SLC30A3: variants seen among roughly 807,000 people sequenced by gnomAD.
SLC30A3 encodes solute carrier family 30 member 3.
A neutral mutation model predicts 35.6 loss-of-function variants in SLC30A3; 20 were observed. The ratio of observed to expected loss-of-function variants is 0.56; its 90% CI spans 0.39 to 0.82. The LOEUF is 0.82. Among genes scored for constraint, SLC30A3 ranks in the 40% least tolerant of loss-of-function variants. The pLI is 0.00. For missense variants in SLC30A3, 401 were observed against 530.6 expected (o/e 0.76, Z 2.40); for synonymous variants, 217 against 224.7 (o/e 0.97, Z 0.31).
intron 1 of SLC30A3, among the ~76,000 whole-genome samples, chr2:27,268,376 G>A (rs541688233): frequency 6.6e-6 from 1 of 152,358 alleles, no homozygotes; most frequent in South Asian, 2.1e-4. Flanking sequence ...AACAGTTTAT[G>A]TGGAGAAATG....
At chr2:27,273,560 A>G (rs1213291113) in intron 1 of SLC30A3, among the ~76,000 whole-genome samples, 6 of 151,092 alleles carry the variant, frequency 4.0e-5, no homozygotes. Context: ...ACAAACCACC[A>G]TAAAAAAATT....
At chr2:27,263,250 G>T, upstream of SLC30A3, 1 of 538,734 alleles carries the variant, frequency 1.9e-6, no homozygotes. Flanking sequence ...CATCTCCACA[G>T]CCCCGTCCCC....
At chr2:27,273,453 A>G (rs940927616) in intron 1 of SLC30A3, among the ~76,000 whole-genome samples, 3 of 152,098 alleles carry the variant, frequency 2.0e-5, no homozygotes, top group Admixed American at 6.5e-5. Context: ...TGCTCTCTCT[A>G]CCCAGTGCTG....
chr2:27,275,643 C>G (rs950595277), upstream of SLC30A3: 3 of 194,146 alleles, frequency 1.5e-5, no homozygotes, highest in African/African-American at 7.0e-5. Flanking sequence ...TTGCCTTGCT[C>G]GGTTCTCCTG....
At chr2:27,269,031 A>G (rs1677614744) in intron 1 of SLC30A3, among the ~76,000 whole-genome samples, 1 of 151,976 alleles carries the variant, frequency 6.6e-6, no homozygotes, top group African/African-American at 2.4e-5. Flanking sequence ...AATGAAAGAG[A>G]GATTTTGAAA....
At position 27,262,396 on chromosome 2, in the gene SLC30A3, G is replaced by A. The variant is rs1677245596; in HGVS notation, c.95+416C>T. ...AGGGGGCGCGCGGAGGGGAGCCCCCGGGGCCTACAGAGGGAGCTCTGAAGC... is the reference window on the plus strand; with the variant it reads ...AGGGGGCGCGCGGAGGGGAGCCCCCAGGGCCTACAGAGGGAGCTCTGAAGC... On this transcript the variant is annotated intron_variant, in intron 1 of 7. Coordinates refer to ENST00000233535, the MANE Select transcript of SLC30A3 (RefSeq NM_003459.5). The surrounding 1 kb of genome is among the most constrained non-coding windows in gnomAD (Gnocchi z 7.5). Among the ~76,000 whole-genome samples the A allele has an allele frequency of 1.3e-5, 2 of 151,852 alleles. No individual in the cohort carries two copies. The highest frequency in any genetic ancestry group is 1.3e-4 in the Admixed American group (2 of 15,246).
At chr2:27,265,110 TGAC>T (rs1352926352), upstream of SLC30A3, among the ~76,000 whole-genome samples, 2 of 152,224 alleles carry the variant, frequency 1.3e-5, no homozygotes, top group Admixed American at 6.5e-5. The surrounding 1 kb of genome is among the most constrained non-coding windows in gnomAD (Gnocchi z 5.9). Flanking sequence ...GCTCAGCCGA[TGAC>T]GACAACAGGG....
chr2:27,270,624 T>C (rs981505331), intron 1 of SLC30A3, among the ~76,000 whole-genome samples: 1 of 152,132 alleles, frequency 6.6e-6, no homozygotes, highest in Non-Finnish European at 1.5e-5. Context: ...AATTTAATCC[T>C]CATAACAACC....
rs1333811638 is a variant in SLC30A3 at position 27,258,394 on chromosome 2, C to T, written c.278-87G>A. 5 of 1,342,360 alleles carry T rather than the reference C, an allele frequency of 3.7e-6. No individual in the cohort carries two copies. Among genetic ancestry groups the T allele is most frequent in the Non-Finnish European group, 5.0e-6 (5 of 1,007,994 alleles). The allele number at this position is 1,342,360 out of a possible 1,614,324, so 83.2% of individuals were successfully genotyped here. A position where few individuals can be genotyped will look rare whatever the true frequency, so the allele number is the denominator to read the frequency against. ...CATGGAAAATAAATTGGGGGATATACACCAAAAATGTGATTTGGGGTTTTC... is the reference window on the plus strand; with the variant it reads ...CATGGAAAATAAATTGGGGGATATATACCAAAAATGTGATTTGGGGTTTTC... On this transcript the variant is annotated intron_variant, in intron 2 of 7. Transcript: ENST00000233535. This position sits in a 1 kb window ranked among gnomAD's most constrained non-coding sequence, Gnocchi z 4.0.
rs1676977228 is a variant in SLC30A3, at chr2:27,258,153, G to T, written c.424+8C>A. The T allele has an allele frequency of 1.9e-6, 3 of 1,598,452 alleles. No individual in the cohort carries two copies. The Admixed American group carries it at 5.1e-5, about 27-fold the overall frequency. On this transcript the variant is annotated splice_region_variant and intron_variant, in intron 3 of 7. Transcript: ENST00000233535. The surrounding 1 kb of genome is among the most constrained non-coding windows in gnomAD (Gnocchi z 4.0). ...TTGGAGAGTCACTGGGCCATGCAGGGGCCTTACCTGAACGGTGCCAGCCAA... is the reference window on the plus strand; with the variant it reads ...TTGGAGAGTCACTGGGCCATGCAGGTGCCTTACCTGAACGGTGCCAGCCAA...
rs1652793838 is a variant in SLC30A3 at position 27,258,414 on chromosome 2, G to A, written c.278-107C>T. The A allele has an allele frequency of 1.8e-6, 2 of 1,115,384 alleles. No individual in the cohort carries two copies. The allele number at this position is 1,115,384 out of a possible 1,614,324, so 69.1% of individuals were successfully genotyped here. A position where few individuals can be genotyped will look rare whatever the true frequency, so the allele number is the denominator to read the frequency against. ...ATATACACCAAAAATGTGATTTGGG[G>A]TTTTCTCAGGTGATGGGACTACAGG... On this transcript the variant is annotated intron_variant, in intron 2 of 7. Coordinates refer to ENST00000233535, the MANE Select transcript of SLC30A3 (RefSeq NM_003459.5). This position sits in a 1 kb window ranked among gnomAD's most constrained non-coding sequence, Gnocchi z 4.0.
intron 1 of SLC30A3, among the ~76,000 whole-genome samples, chr2:27,270,878 G>A (rs1677701792): frequency 6.6e-6 from 1 of 152,078 alleles, no homozygotes; most frequent in African/African-American, 2.4e-5. Flanking sequence ...TGCTGGGGGA[G>A]GGGAAAGAGG....
chr2:27,272,568 A>G (rs930628510), intron 1 of SLC30A3, among the ~76,000 whole-genome samples: 7 of 147,622 alleles, frequency 4.7e-5, no homozygotes, highest in South Asian at 2.1e-4. Flanking sequence ...ATCTCGGCTC[A>G]CTGCAACCTC....
intron 1 of SLC30A3, among the ~76,000 whole-genome samples, chr2:27,269,451 C>T (rs1165737478): frequency 6.6e-6 from 1 of 151,996 alleles, no homozygotes; most frequent in Non-Finnish European, 1.5e-5. Context: ...TCGTGATCCG[C>T]CTGCCTCAGC....
Position 27,257,310 on chromosome 2 carries a change from G to T in SLC30A3, c.621C>A (p.His207Gln). The stretch of plus-strand genomic sequence containing the variant: ...GTGCATACTCTGCTCCCCTAGACCC[G>T]TGGCTGTGGGGGGGCCCAGCCTGGT... ...VLHQAGPPHS[H>Q]GSRGAEYAPL... The change falls in exon 5 of 8, where the codon CAC (histidine) becomes CAA (glutamine). Residue 207 changes from histidine to glutamine, a missense_variant. His to Gln is a conservative substitution (Grantham distance 24, BLOSUM62 0). Around this residue, in one of 3 missense-constraint regions of SLC30A3, gnomAD observed 296 missense variants for 392.6 expected, o/e 0.75. Transcript: ENST00000233535. The surrounding 1 kb of genome is among the most constrained non-coding windows in gnomAD (Gnocchi z 4.7). 6.2e-7 allele frequency: 1 copy of T among 1,613,746 alleles called. No homozygotes were observed. The highest frequency in any genetic ancestry group is 8.5e-7 in the Non-Finnish European group (1 of 1,179,850).
chr2:27,274,944 A>C (rs1677935791), intron 1 of SLC30A3, among the ~76,000 whole-genome samples: 1 of 152,208 alleles, frequency 6.6e-6, no homozygotes, highest in South Asian at 2.1e-4. Context: ...TTTTAATGAG[A>C]CGTGCAAACT....
In SLC30A3 at chr2:27,255,133, T is replaced by C; in HGVS notation, c.*179A>G. 6.4e-7 allele frequency: 1 copy of C among 1,554,298 alleles called. No individual in the cohort carries two copies. Among genetic ancestry groups the C allele is most frequent in the South Asian group, 1.2e-5 (1 of 86,050 alleles). On this transcript the variant is annotated 3_prime_UTR_variant, in exon 8 of 8. Coordinates refer to ENST00000233535, the MANE Select transcript of SLC30A3 (RefSeq NM_003459.5). The surrounding 1 kb of genome is among the most constrained non-coding windows in gnomAD (Gnocchi z 5.2). ...CTCCCACCCCACTCCCCGCCACACT[T>C]TGGTCTTGCCCACTGGGGCTGGGGC... is the stretch of plus-strand genomic sequence containing the variant.
At chr2:27,270,349 T>C (rs1677679683) in intron 1 of SLC30A3, among the ~76,000 whole-genome samples, 1 of 152,020 alleles carries the variant, frequency 6.6e-6, no homozygotes. Context: ...GTGTTTTGGA[T>C]AGCCAGAGGG....
At chr2:27,259,902 G>C (rs1419604360) in intron 1 of SLC30A3, among the ~76,000 whole-genome samples, 1 of 152,156 alleles carries the variant, frequency 6.6e-6, no homozygotes, top group South Asian at 2.1e-4. Context: ...GTGCTATCAG[G>C]GTTCTGAGGA....
Sources: gnomAD v4.1 joint callset for allele counts (sites outside exome capture counted in the v4.1 genomes callset) on GRCh38, gnomAD v4.1.1 for gene constraint, gnomAD v4.1.1 regional missense constraint, Gnocchi (gnomAD v3.1) non-coding constraint, MANE v1.5 for transcripts, NCBI Gene and HGNC (gene_info 2026-07-23, HGNC 2026-07-21) for gene names.